The following AK9 variants were observed in gnomAD, a reference collection of about 807,000 sequenced individuals.
AK9 encodes adenylate kinase domain containing 1.
Under a neutral mutation model 239.6 loss-of-function variants are expected in AK9, and 191 were observed. The observed-to-expected ratio is 0.80, with a 90% confidence interval of 0.71 to 0.90. AK9 has a LOEUF of 0.90. AK9 is among the 40% of genes least tolerant of loss of function. AK9 has a pLI of 0.00. For synonymous variants in AK9, 689 were observed against 721.0 expected, an observed-to-expected ratio of 0.96 and a Z score of 0.71; for missense variants, 1,995 against 2,214.7, an observed-to-expected ratio of 0.90 and a Z score of 1.99.
At chr6:109,563,489 A>G (rs746847669) in intron 24 of AK9, 108 bp downstream of exon 24, 205 of 1,443,794 alleles carry the variant, frequency 1.4e-4, no homozygotes, top group African/African-American at 4.3e-5. Context: ...TGTGTGTGCA[A>G]ATGAGAATGT....
At chr6:109,659,029 A>T (rs1049310926) in intron 7 of AK9, among the ~76,000 whole-genome samples, 199 bp downstream of exon 7, 2 of 152,174 alleles carry the variant, frequency 1.3e-5, no homozygotes, top group African/African-American at 2.4e-5. Flanking sequence ...TGCTGACAGG[A>T]AGGCTAAACT....
chr6:109,685,991 T>C (rs192611629), intron 1 of AK9, among the ~76,000 whole-genome samples: 1 of 152,326 alleles, frequency 6.6e-6, no homozygotes, highest in Admixed American at 6.5e-5. Context: ...GGATCTTTAC[T>C]AGATAGACAC....
At chr6:109,519,524 G>T (rs1007570909) in intron 29 of AK9, among the ~76,000 whole-genome samples, 4 of 152,106 alleles carry the variant, frequency 2.6e-5, no homozygotes, top group African/African-American at 4.8e-5. Flanking sequence ...GTCAGGCATG[G>T]TGGTTCATAC....
intron 10 of AK9, among the ~76,000 whole-genome samples, chr6:109,639,903 G>T (rs1312615552): frequency 6.6e-6 from 1 of 152,110 alleles, no homozygotes; most frequent in African/African-American, 2.4e-5. Flanking sequence ...TATTAAATAG[G>T]GAATCCTTTC....
intron 12 of AK9, among the ~76,000 whole-genome samples, chr6:109,620,362 C>G (rs910612573): frequency 6.6e-6 from 1 of 152,128 alleles, no homozygotes; most frequent in Non-Finnish European, 1.5e-5. Context: ...GAAGAAGTAT[C>G]TCATTGTAGA....
intron 17 of AK9, among the ~76,000 whole-genome samples, chr6:109,609,544 T>C (rs755243099): frequency 3.0e-4 from 45 of 152,066 alleles, no homozygotes; most frequent in South Asian, 6.2e-4. Flanking sequence ...AACCTGAAGA[T>C]AGGTATGCAG....
chr6:109,563,145 A>G (rs1389368037), intron 24 of AK9, among the ~76,000 whole-genome samples: 1 of 152,190 alleles, frequency 6.6e-6, no homozygotes, highest in Non-Finnish European at 1.5e-5. Context: ...TAAAGCTTCA[A>G]ATGAAAAGAA....
intron 12 of AK9, among the ~76,000 whole-genome samples, chr6:109,623,560 T>G (rs1465021972): frequency 2.0e-5 from 3 of 152,208 alleles, no homozygotes; most frequent in Non-Finnish European, 4.4e-5. Context: ...TGTAACCTCA[T>G]GAAAGCATTT....
At chr6:109,541,185 C>T (rs1408646068) in intron 27 of AK9, among the ~76,000 whole-genome samples, 1 of 152,014 alleles carries the variant, frequency 6.6e-6, no homozygotes, top group Non-Finnish European at 1.5e-5. Context: ...TTATTTTCCC[C>T]TTGATTATAA....
intron 9 of AK9, among the ~76,000 whole-genome samples, chr6:109,644,006 C>T (rs1418326017): frequency 6.6e-6 from 1 of 152,200 alleles, no homozygotes; most frequent in Non-Finnish European, 1.5e-5. Flanking sequence ...GTATCCCTGA[C>T]TGTAACACAA....
chr6:109,622,112 ATT>A (rs1491554662), intron 12 of AK9, among the ~76,000 whole-genome samples: 3 of 146,872 alleles, frequency 2.0e-5, no homozygotes, highest in East Asian at 2.0e-4. Context: ...TATTTTATAC[ATT>A]ATATATAATA....
intron 24 of AK9, among the ~76,000 whole-genome samples, chr6:109,559,647 GA>G (rs1785491271): frequency 6.6e-6 from 1 of 152,122 alleles, no homozygotes; most frequent in Non-Finnish European, 1.5e-5. Flanking sequence ...CTTACACATA[GA>G]AATAAAATTG....
chr6:109,610,599 T>C, intron 16 of AK9, 86 bp from the exon 17 acceptor site: 2 of 1,348,434 alleles, frequency 1.5e-6, no homozygotes, highest in Middle Eastern at 2.0e-4. Flanking sequence ...TGATAATATC[T>C]GACCCAAGAA....
At chr6:109,615,307 A>G (rs1794048691) in intron 13 of AK9, among the ~76,000 whole-genome samples, 1 of 151,600 alleles carries the variant, frequency 6.6e-6, no homozygotes, top group Non-Finnish European at 1.5e-5. Flanking sequence ...GAGCACCACA[A>G]GGATAGGGAC....
chr6:109,648,468 C>T (rs1314989483), intron 8 of AK9, among the ~76,000 whole-genome samples: 2 of 152,106 alleles, frequency 1.3e-5, no homozygotes, highest in Non-Finnish European at 2.9e-5. Flanking sequence ...AATACCTCTA[C>T]ACAAATAAAC....
intron 8 of AK9, among the ~76,000 whole-genome samples, chr6:109,646,367 T>G (rs954583764): frequency 6.6e-6 from 1 of 152,056 alleles, no homozygotes; most frequent in Admixed American, 6.5e-5. Context: ...GACGAATGGC[T>G]AACTAGAATA....
At chr6:109,499,375 T>A in intron 35 of AK9, 135 bp from the exon 36 acceptor site, 1 of 601,284 alleles carries the variant, frequency 1.7e-6, no homozygotes, top group Non-Finnish European at 2.5e-6. Flanking sequence ...GAGTAAAAAG[T>A]AAAAGTTACT....
intron 9 of AK9, among the ~76,000 whole-genome samples, chr6:109,643,699 A>G (rs1387039823): frequency 6.6e-6 from 1 of 151,874 alleles, no homozygotes; most frequent in Non-Finnish European, 1.5e-5. Context: ...TCTTGGTGCA[A>G]TCCCTTCTTA....
intron 24 of AK9, among the ~76,000 whole-genome samples, chr6:109,555,106 G>A (rs564722570): frequency 3.9e-5 from 6 of 151,922 alleles, no homozygotes; most frequent in Non-Finnish European, 8.8e-5. Flanking sequence ...GTGATGTTAG[G>A]GTGTCGATTT....
Sources: gnomAD v4.1 joint callset for allele counts (sites outside exome capture counted in the v4.1 genomes callset) on GRCh38, gnomAD v4.1.1 for gene constraint, MANE v1.5 for transcripts, NCBI Gene and HGNC (gene_info 2026-07-23, HGNC 2026-07-21) for gene names.